Variants in AFF2 observed in about 807,000 individuals in gnomAD.
AFF2 encodes ALF transcription elongation factor 2.
Under a neutral mutation model 76.9 loss-of-function variants are expected in AFF2, and 14 were observed. The observed-to-expected ratio is 0.18, with a 90% CI of 0.12 to 0.28. AFF2 has a LOEUF of 0.28. Ranked by LOEUF, AFF2 falls within the 10% of genes least tolerant of loss-of-function variation. The pLI, the probability that AFF2 is intolerant of heterozygous loss-of-function variation, is 1.00. For missense variants in AFF2, 868 were observed against 1,001.1 expected (o/e 0.87, Z 1.79); for synonymous variants, 398 against 366.7 (o/e 1.09, Z -0.98).
chrX:148,825,615 T>C (rs1241568336), intron 4 of AFF2, among the ~76,000 whole-genome samples: 6 of 101,954 alleles, frequency 5.9e-5, no homozygotes, highest in African/African-American at 2.1e-4. Flanking sequence ...TTTTGACCAC[T>C]CCATAGTTCA....
In AFF2 at chrX:148,765,392, G is replaced by A. The variant is rs2030527931; in HGVS notation, c.1042-44484G>A. On this transcript the variant is annotated intron_variant, in intron 3 of 20. Coordinates refer to ENST00000370460, the MANE Select transcript of AFF2 (RefSeq NM_002025.4). ...CTGTCATACAATGATGCATATTATT[G>A]TAGATTGTGAAACTCCTAATTTCAT... Among the ~76,000 whole-genome samples, 3 of 111,430 alleles carry A rather than the reference G, an allele frequency of 2.7e-5. No homozygotes were observed. In the South Asian group the frequency reaches 1.1e-3, roughly 42 times the overall value.
chrX:148,508,436 T>C (rs1054665110), intron 1 of AFF2, among the ~76,000 whole-genome samples: 1 of 111,708 alleles, frequency 9.0e-6, no homozygotes, highest in Non-Finnish European at 1.9e-5. Context: ...ATCTCAGCTT[T>C]AACAATCATT....
Position 148,538,779 on chromosome X carries a change from G to A in AFF2, c.47+37635G>A, listed in dbSNP as rs190394444. 5.3e-4 allele frequency among the ~76,000 whole-genome samples: 59 copies of A among 111,902 alleles called. 2 individuals are homozygous for A. The South Asian group carries it at 0.021, about 40-fold the overall frequency. ...TCCCCGTTTTACAGATGAGAAAACT[G>A]AGGGCTCAGAGAGATTACTCAAGTC... On this transcript the variant is annotated intron_variant, in intron 1 of 20. Coordinates refer to ENST00000370460, the MANE Select transcript of AFF2 (RefSeq NM_002025.4).
intron 3 of AFF2, among the ~76,000 whole-genome samples, chrX:148,714,132 T>G (rs1449719697): frequency 8.9e-6 from 1 of 112,229 alleles, no homozygotes; most frequent in Non-Finnish European, 1.9e-5. Flanking sequence ...TTAAGTTCTG[T>G]AAATCATGTT....
Position 148,997,732 on chromosome X carries a change from C to A in AFF2, c.*6400C>A, listed in dbSNP as rs187462374. 4 of 111,946 alleles carry A rather than the reference C, an allele frequency of 3.6e-5. No homozygotes were observed. The highest frequency in any genetic ancestry group is 7.5e-5 in the Non-Finnish European group (4 of 53,222). The allele number at this position is 111,946 out of a possible 1,213,427, so 9.2% of individuals were successfully genotyped here. A position where few individuals can be genotyped will look rare whatever the true frequency, so the allele number is the denominator to read the frequency against. ...TACACTTACACAGGGACTCTGAGCA[C>A]CCCCGTCACCACACCAGACAGTGGA... On this transcript the variant is annotated 3_prime_UTR_variant, in exon 21 of 21. Transcript: ENST00000370460.
intron 3 of AFF2, among the ~76,000 whole-genome samples, chrX:148,718,287 T>C: frequency 8.9e-6 from 1 of 111,763 alleles, no homozygotes; most frequent in Middle Eastern, 4.6e-3. Flanking sequence ...AATCATCCAC[T>C]GTTGCATTCT....
chrX:148,678,350 G>C (rs2054507761), intron 3 of AFF2, among the ~76,000 whole-genome samples: 1 of 112,301 alleles, frequency 8.9e-6, no homozygotes, highest in Admixed American at 9.4e-5. Context: ...CTTATATTCT[G>C]TTAATTCACA....
rs782620970 is a variant in AFF2, at chrX:148,800,362, G to A, written c.1042-9514G>A. The stretch of plus-strand genomic sequence containing the variant: ...CTATCAAGTGTATTCTGTTGTCACT[G>A]TTTTATTGAGGGCATCTGTGGGTAC... On this transcript the variant is annotated intron_variant, in intron 3 of 20. Coordinates refer to ENST00000370460, the MANE Select transcript of AFF2 (RefSeq NM_002025.4). Among the ~76,000 whole-genome samples the A allele has an allele frequency of 1.2e-4, 14 of 112,077 alleles. No homozygotes were observed. The South Asian group carries it at 4.8e-3, about 38-fold the overall frequency.
intron 1 of AFF2, among the ~76,000 whole-genome samples, chrX:148,507,969 A>G (rs1175562904): frequency 8.9e-6 from 1 of 112,345 alleles, no homozygotes; most frequent in Non-Finnish European, 1.9e-5. Flanking sequence ...GCTTCATTTG[A>G]AAAATAAAAT....
At chrX:148,852,127 T>C (rs1187363045) in intron 7 of AFF2, among the ~76,000 whole-genome samples, 1 of 111,689 alleles carries the variant, frequency 9.0e-6, no homozygotes, top group African/African-American at 3.3e-5. Flanking sequence ...AATCTGTCTT[T>C]GATGGGCATT....
chrX:148,930,068 G>T (rs2071695173), intron 9 of AFF2, among the ~76,000 whole-genome samples: 1 of 111,656 alleles, frequency 9.0e-6, no homozygotes, highest in Non-Finnish European at 1.9e-5. Context: ...ATTTTTACCG[G>T]CAAATGGGAA....
intron 3 of AFF2, among the ~76,000 whole-genome samples, chrX:148,694,639 A>G (rs1234006520): frequency 1.8e-5 from 2 of 111,816 alleles, no homozygotes; most frequent in Non-Finnish European, 3.8e-5. Flanking sequence ...TCCAAGAGAT[A>G]AATGTACATA....
At chrX:148,614,738 TTTTCTTTC>T (rs563984440) in intron 1 of AFF2, among the ~76,000 whole-genome samples, 2,578 of 55,006 alleles carry the variant, frequency 0.047, 97 homozygotes, top group Middle Eastern at 0.11. Flanking sequence ...TCTTTCCTTC[TTTTCTTTC>T]TTTCTTTCTT....
chrX:148,965,871 T>C (rs782696426), intron 13 of AFF2, among the ~76,000 whole-genome samples: 2 of 111,189 alleles, frequency 1.8e-5, no homozygotes, highest in Non-Finnish European at 3.8e-5. Flanking sequence ...AGATACCAAT[T>C]CAGAAGAGCA....
intron 3 of AFF2, among the ~76,000 whole-genome samples, chrX:148,781,192 C>T (rs1467312432): frequency 1.8e-5 from 2 of 111,876 alleles, no homozygotes; most frequent in Non-Finnish European, 3.8e-5. Flanking sequence ...TCAACTCCTG[C>T]TGGGAGGTGT....
intron 3 of AFF2, among the ~76,000 whole-genome samples, chrX:148,762,402 T>G (rs1241465679): frequency 9.5e-6 from 1 of 105,447 alleles, no homozygotes; most frequent in East Asian, 2.8e-4. Context: ...CTGAGTAGTA[T>G]TCTATGGTAT....
At chrX:148,891,911 G>T (rs781832818) in intron 8 of AFF2, among the ~76,000 whole-genome samples, 11 of 112,029 alleles carry the variant, frequency 9.8e-5, no homozygotes, top group African/African-American at 3.6e-4. Flanking sequence ...AATATTAGAT[G>T]ACTTCATTTA....
chrX:148,946,159 G>A (rs2071898579), intron 9 of AFF2, among the ~76,000 whole-genome samples: 2 of 112,170 alleles, frequency 1.8e-5, no homozygotes, highest in South Asian at 3.7e-4. Context: ...GTAAAAAGCC[G>A]GTCATTTACA....
chrX:148,962,965 T>C (rs1557288297), intron 13 of AFF2, 28 bp downstream of exon 13: 1 of 1,054,641 alleles, frequency 9.5e-7, no homozygotes, highest in African/African-American at 1.8e-5. Flanking sequence ...AATATTATTA[T>C]TGTCAGGTAG....
Sources: gnomAD v4.1 joint callset for allele counts (sites outside exome capture counted in the v4.1 genomes callset) on GRCh38, gnomAD v4.1.1 for gene constraint, MANE v1.5 for transcripts, NCBI Gene and HGNC (gene_info 2026-07-23, HGNC 2026-07-21) for gene names.